NRG2: variants seen among roughly 807,000 people sequenced by gnomAD.
NRG2 encodes neuregulin 2, also known as pro-neuregulin-2, membrane-bound isoform.
Under a neutral mutation model 73.9 loss-of-function variants are expected in NRG2, and 27 were observed. That is an observed-to-expected ratio of 0.37 (90% CI 0.27 to 0.50). The LOEUF is 0.50. NRG2 is among the 20% of genes least tolerant of loss of function. NRG2 has a pLI of 0.96. For synonymous variants in NRG2, 532 were observed against 541.0 expected, an observed-to-expected ratio of 0.98 and a Z score of 0.23; for missense variants, 1,126 against 1,210.1, an observed-to-expected ratio of 0.93 and a Z score of 1.03.
chr5:139,866,595 C>G (rs903314858), intron 4 of NRG2, among the ~76,000 whole-genome samples: 1 of 152,186 alleles, frequency 6.6e-6, no homozygotes, highest in Non-Finnish European at 1.5e-5. Context: ...ACCCTGGAAG[C>G]CTGGTCCACA....
chr5:139,949,844 G>C (rs1167253177), intron 1 of NRG2, among the ~76,000 whole-genome samples: 1 of 152,168 alleles, frequency 6.6e-6, no homozygotes, highest in Non-Finnish European at 1.5e-5. Flanking sequence ...CTTGGTTTTG[G>C]AGCATGAGAA....
At chr5:139,849,936 G>A (rs1761300234) in intron 9 of NRG2, among the ~76,000 whole-genome samples, 2 of 152,168 alleles carry the variant, frequency 1.3e-5, no homozygotes, top group Non-Finnish European at 2.9e-5. Context: ...TACCCACCCA[G>A]GGTCAGTCTG....
intron 1 of NRG2, among the ~76,000 whole-genome samples, chr5:139,964,144 C>T (rs1755293454): frequency 6.6e-6 from 1 of 152,126 alleles, no homozygotes; most frequent in African/African-American, 2.4e-5. Flanking sequence ...AGGGTCTTCT[C>T]TTCCTTTAGA....
chr5:139,946,227 A>G (rs2031321612), intron 1 of NRG2, among the ~76,000 whole-genome samples: 1 of 152,166 alleles, frequency 6.6e-6, no homozygotes, highest in Admixed American at 6.5e-5. Context: ...ATAAGCCACA[A>G]TAAATTAAGA....
chr5:140,016,162 A>T (rs1759760254), intron 1 of NRG2, among the ~76,000 whole-genome samples: 1 of 152,150 alleles, frequency 6.6e-6, no homozygotes, highest in African/African-American at 2.4e-5. Context: ...TGGAGAACAT[A>T]GAGGTTGTCA....
intron 1 of NRG2, among the ~76,000 whole-genome samples, chr5:139,982,273 C>T (rs1269585182): frequency 6.6e-6 from 1 of 152,146 alleles, no homozygotes; most frequent in Non-Finnish European, 1.5e-5. Flanking sequence ...CCTACAGCTG[C>T]CCAGCATGAT....
Position 139,848,237 on chromosome 5 carries a change from G to GGCGCCA in NRG2, c.2227_2232dup (p.Trp743_Arg744dup), listed in dbSNP as rs1007490409. The GGCGCCA allele has an allele frequency of 8.6e-7, 1 of 1,156,530 alleles. No homozygotes were observed. Among genetic ancestry groups the GGCGCCA allele is most frequent in the African/African-American group, 1.6e-5 (1 of 60,926 alleles). 71.6% of individuals were successfully genotyped at this position (1,156,530 alleles called of 1,614,324 possible). A position where few individuals can be genotyped will look rare whatever the true frequency, so the allele number is the denominator to read the frequency against. On this transcript the variant is annotated inframe_insertion, in exon 10 of 10. Coordinates refer to ENST00000361474, the MANE Select transcript of NRG2 (RefSeq NM_004883.3). ...GCCGCCAGCCCGTTGAGGCGCGAGC[G>GGCGCCA]GCGCCAGCGCCGGGGCCCCGCCGAC... is the stretch of plus-strand genomic sequence containing the variant.
At position 139,848,953 on chromosome 5, in the gene NRG2, A is replaced by T. The variant is rs550529232; in HGVS notation, c.1773-256T>A. The stretch of plus-strand genomic sequence containing the variant: ...TCCATAGCTCTGTTGGGATGATTCC[A>T]GATTGTATCAGTGGGATGTGTTAGC... On this transcript the variant is annotated intron_variant, in intron 9 of 9. Transcript: ENST00000361474. 3.9e-5 allele frequency among the ~76,000 whole-genome samples: 6 copies of T among 152,290 alleles called. No individual in the cohort carries two copies. In the South Asian group the frequency reaches 1.2e-3, roughly 32 times the overall value.
Position 139,848,156 on chromosome 5 carries a change from C to T in NRG2, c.2314G>A (p.Gly772Ser). The change falls in exon 10 of 10, where the codon GGC (glycine) becomes AGC (serine). Residue 772 changes from glycine (G) to serine (S), a missense_variant. By Grantham distance (56) the Gly-to-Ser change is moderately conservative. Around this residue, in one of 3 missense-constraint regions of NRG2, gnomAD observed 402 missense variants for 357.8 expected, o/e 1.12. Coordinates refer to ENST00000361474, the MANE Select transcript of NRG2 (RefSeq NM_004883.3). The stretch of plus-strand genomic sequence containing the variant: ...TCGTCGTCCGACGCCGAGGCTGAGC[C>T]GCCGCCCGAGCCGCTGCTCAGCGAC... ...SLSLSSGSGG[G>S]SASASDDDAD... 6.9e-7 allele frequency: 1 copy of T among 1,441,426 alleles called. No individual in the cohort carries two copies. The highest frequency in any genetic ancestry group is 9.1e-7 in the Non-Finnish European group (1 of 1,103,902). The allele number at this position is 1,441,426 out of a possible 1,614,324, so 89.3% of individuals were successfully genotyped here.
intron 1 of NRG2, among the ~76,000 whole-genome samples, chr5:139,932,221 A>AGTGT (rs3056594): frequency 0.03 from 4,280 of 141,408 alleles, 69 homozygotes; most frequent in African/African-American, 0.045. Flanking sequence ...AAGAAAATGT[A>AGTGT]GTGTGTGTGT....
At chr5:139,952,030 T>C (rs1437015260) in intron 1 of NRG2, among the ~76,000 whole-genome samples, 1 of 152,258 alleles carries the variant, frequency 6.6e-6, no homozygotes. Context: ...TTCCTAGCCA[T>C]GTGACCATGG....
Position 139,870,010 on chromosome 5 carries a change from G to A in NRG2, c.1112+1711C>T, listed in dbSNP as rs1237103934. 6.6e-6 allele frequency among the ~76,000 whole-genome samples: 1 copy of A among 152,188 alleles called. No homozygotes were observed. The highest frequency in any genetic ancestry group is 6.5e-5 in the Admixed American group (1 of 15,288). ...AGTGCTGGATCCCTTCAAAGTCTGGGGTCCAAGGGGCTAGGGAAGAGGAGA... is the reference window on the plus strand; with the variant it reads ...AGTGCTGGATCCCTTCAAAGTCTGGAGTCCAAGGGGCTAGGGAAGAGGAGA... On this transcript the variant is annotated intron_variant, in intron 4 of 9. Transcript: ENST00000361474. This position sits in a 1 kb window ranked among gnomAD's most constrained non-coding sequence, Gnocchi z 4.4.
In NRG2 at chr5:139,846,886, T is replaced by C. The variant is rs1761034797; in HGVS notation, c.*1031A>G. ...ATTCCCATCTGTTTCTGTTTGGGAT[T>C]TTTTTTTTTTTTAAACAATTACCTT... On this transcript the variant is annotated 3_prime_UTR_variant, in exon 10 of 10. Coordinates refer to ENST00000361474, the MANE Select transcript of NRG2 (RefSeq NM_004883.3). 1 of 135,408 alleles carries C rather than the reference T, an allele frequency of 7.4e-6. No individual in the cohort carries two copies. The highest frequency in any genetic ancestry group is 7.0e-5 in the Admixed American group (1 of 14,260). 8.4% of individuals were successfully genotyped at this position (135,408 alleles called of 1,614,324 possible).
At chr5:140,015,289 A>G (rs1424413617) in intron 1 of NRG2, among the ~76,000 whole-genome samples, 3 of 152,184 alleles carry the variant, frequency 2.0e-5, no homozygotes, top group Non-Finnish European at 4.4e-5. Context: ...CAATATTCCA[A>G]GCACCTGGAA....
At chr5:139,997,640 A>G (rs1758122176) in intron 1 of NRG2, among the ~76,000 whole-genome samples, 1 of 152,220 alleles carries the variant, frequency 6.6e-6, no homozygotes, top group African/African-American at 2.4e-5. Context: ...CATCTGGCAA[A>G]TAGCAGAAAT....
rs554473987 is a variant in NRG2, at chr5:139,848,480, G to A, written c.1990C>T (p.Pro664Ser). Residue 664 changes from proline to serine, a missense_variant, in exon 10 of 10, where the codon CCC becomes TCC. Around this residue, in one of 3 missense-constraint regions of NRG2, gnomAD observed 402 missense variants for 357.8 expected, o/e 1.12. Coordinates refer to ENST00000361474, the MANE Select transcript of NRG2 (RefSeq NM_004883.3). ...PGPGPGPGPGPGPGADMQRSY... is the reference protein window; with the variant it reads ...PGPGPGPGPGSGPGADMQRSY... ...CGCTGCATGTCTGCGCCGGGCCCGG[G>A]CCCGGGCCCGGGTCCGGGTCCCGGG... is the stretch of plus-strand genomic sequence containing the variant. The A allele has an allele frequency of 2.4e-4, 315 of 1,339,556 alleles. No homozygotes were observed. In the East Asian group the frequency reaches 7.5e-3, roughly 32 times the overall value. The allele number at this position is 1,339,556 out of a possible 1,614,324, so 83.0% of individuals were successfully genotyped here. A position where few individuals can be genotyped will look rare whatever the true frequency, so the allele number is the denominator to read the frequency against.
chr5:139,851,778 G>A lies in NRG2; in HGVS notation c.1598C>T (p.Ser533Phe), dbSNP rs750932133. The A allele has an allele frequency of 6.2e-7, 1 of 1,614,252 alleles. No homozygotes were observed. Among genetic ancestry groups the A allele is most frequent in the Admixed American group, 1.7e-5 (1 of 60,036 alleles). Residue 533 changes from serine to phenylalanine, a missense_variant, in exon 9 of 10, where the codon TCC (serine) becomes TTC (phenylalanine). Ser to Phe is a radical substitution (Grantham distance 155). Transcript: ENST00000361474. This position sits in a 1 kb window ranked among gnomAD's most constrained non-coding sequence, Gnocchi z 4.2. The stretch of plus-strand genomic sequence containing the variant: ...TGATGATAGCATGATCCCCGACTGG[G>A]AGTCAGAAGTCAGGCTCTCAGAACG... ...LERSESLTSD[S>F]QSGIMLSSVG...
chr5:140,005,577 T>C (rs1292672332), intron 1 of NRG2, among the ~76,000 whole-genome samples: 1 of 152,176 alleles, frequency 6.6e-6, no homozygotes, highest in Admixed American at 6.5e-5. Context: ...GTGAATATAT[T>C]CTTGGACAGA....
chr5:139,859,003 C>T (rs780698781), intron 5 of NRG2, among the ~76,000 whole-genome samples: 9 of 152,152 alleles, frequency 5.9e-5, no homozygotes, highest in Non-Finnish European at 8.8e-5. Flanking sequence ...GGCTCTGCAC[C>T]ATGTCTGAGA....
Sources: allele counts gnomAD v4.1 joint callset (sites outside exome capture counted in the v4.1 genomes callset), GRCh38; gene constraint gnomAD v4.1.1; regional missense constraint gnomAD v4.1.1; non-coding constraint Gnocchi (gnomAD v3.1); transcripts MANE v1.5; gene names NCBI Gene and HGNC (gene_info 2026-07-23, HGNC 2026-07-21).